The following CRISP1 variants were observed in gnomAD, a reference collection of about 807,000 sequenced individuals.
CRISP1 encodes the protein cysteine rich secretory protein 1, also known as cysteine-rich secretory protein 1.
A neutral mutation model predicts 33.1 loss-of-function variants in CRISP1; 44 were observed. The ratio of observed to expected loss-of-function variants is 1.33; its 90% CI spans 1.05 to 1.71. The LOEUF is 1.71. CRISP1 is among the 40% of genes most tolerant of loss of function. The probability of loss-of-function intolerance (pLI) is 0.00; values close to 1 mark genes in which losing one functional copy is unlikely to be tolerated. For missense variants in CRISP1, 390 were observed against 301.2 expected, an observed-to-expected ratio of 1.29 and a Z score of -2.18; for synonymous variants, 103 against 98.7, an observed-to-expected ratio of 1.04 and a Z score of -0.26.
chr6:49,844,872 C>A (rs373564578), intron 5 of CRISP1, among the ~76,000 whole-genome samples: 4 of 152,004 alleles, frequency 2.6e-5, no homozygotes, highest in African/African-American at 7.2e-5. Context: ...TCACTCCTGG[C>A]GAGAAATTTT....
At chr6:49,860,562 T>C (rs1771620114) in intron 1 of CRISP1, among the ~76,000 whole-genome samples, 1 of 152,074 alleles carries the variant, frequency 6.6e-6, no homozygotes, top group Non-Finnish European at 1.5e-5. Context: ...AAACAATTTT[T>C]TAAACAAATA....
intron 1 of CRISP1, among the ~76,000 whole-genome samples, chr6:49,875,686 G>T (rs182051066): frequency 6.6e-6 from 1 of 152,066 alleles, no homozygotes; most frequent in Non-Finnish European, 1.5e-5. Context: ...GCATGGTACT[G>T]GTACAAGAAC....
At chr6:49,835,532 G>T (rs970905689) in intron 7 of CRISP1, 89 bp from the exon 8 acceptor site, 3 of 1,307,784 alleles carry the variant, frequency 2.3e-6, no homozygotes, top group Admixed American at 2.4e-5. Flanking sequence ...GACAAAAAGA[G>T]AAATTTTTAT....
intron 1 of CRISP1, among the ~76,000 whole-genome samples, chr6:49,873,561 C>T (rs1283078223): frequency 1.3e-5 from 2 of 151,984 alleles, no homozygotes; most frequent in Non-Finnish European, 2.9e-5. Context: ...ACTATGCACA[C>T]TTGAACTTAA....
At chr6:49,838,662 G>T (rs1770884388) in intron 6 of CRISP1, 137 bp from the exon 7 acceptor site, 1 of 607,800 alleles carries the variant, frequency 1.6e-6, no homozygotes, top group Non-Finnish European at 2.9e-6. Flanking sequence ...TTTAAGATGG[G>T]TGTGAGATTT....
At chr6:49,866,563 A>G (rs1187948836), upstream of CRISP1, 1 of 152,162 alleles carries the variant, frequency 6.6e-6, no homozygotes, top group Non-Finnish European at 1.5e-5. Flanking sequence ...GTAAATGCCT[A>G]TAACAGATCA....
chr6:49,867,513 T>C (rs1771826567), upstream of CRISP1, among the ~76,000 whole-genome samples: 1 of 152,044 alleles, frequency 6.6e-6, no homozygotes. Flanking sequence ...AAAAATAAGG[T>C]AAGAATTGTG....
At chr6:49,864,812 C>G (rs559528995) in intron 1 of CRISP1, among the ~76,000 whole-genome samples, 1 of 152,190 alleles carries the variant, frequency 6.6e-6, no homozygotes, top group South Asian at 2.1e-4. Flanking sequence ...GGGCAATTGT[C>G]AAATGTTTTA....
intron 5 of CRISP1, among the ~76,000 whole-genome samples, chr6:49,845,803 AG>A (rs1474661261): frequency 1.3e-5 from 2 of 152,186 alleles, no homozygotes; most frequent in Non-Finnish European, 2.9e-5. Flanking sequence ...CTTAAAAAAA[AG>A]AATACAATTC....
chr6:49,850,191 T>C (rs1370921492), intron 3 of CRISP1, among the ~76,000 whole-genome samples: 1 of 151,868 alleles, frequency 6.6e-6, no homozygotes, highest in Non-Finnish European at 1.5e-5. Flanking sequence ...GGCACATGTA[T>C]ACATATGTAA....
rs777281055 is a variant in CRISP1 at position 49,848,191 on chromosome 6, A to C, written c.286+18T>G. 7.0e-7 allele frequency: 1 copy of C among 1,424,124 alleles called. No homozygotes were observed. The highest frequency in any genetic ancestry group is 1.4e-5 in the African/African-American group (1 of 69,114). 88.2% of individuals were successfully genotyped at this position (1,424,124 alleles called of 1,614,324 possible). On this transcript the variant is annotated intron_variant, in intron 4 of 7. Transcript: ENST00000335847. ...TTTTTTTTTAGTCCAAAGGCGGGTC[A>C]TATAGATACACACTTACTTGGAAGT...
chr6:49,842,274 C>A (rs1214166600), intron 5 of CRISP1, among the ~76,000 whole-genome samples: 1 of 151,942 alleles, frequency 6.6e-6, no homozygotes, highest in Non-Finnish European at 1.5e-5. Flanking sequence ...CGTAAGAGAC[C>A]CTGTTGAACT....
intron 1 of CRISP1, among the ~76,000 whole-genome samples, chr6:49,858,187 G>T (rs948602403): frequency 1.9e-4 from 29 of 152,122 alleles, no homozygotes; most frequent in Non-Finnish European, 3.4e-4. Flanking sequence ...TGATCACTTT[G>T]CTAAGCATGG....
intron 2 of CRISP1, among the ~76,000 whole-genome samples, chr6:49,855,798 G>A (rs1771478610): frequency 1.3e-5 from 2 of 152,108 alleles, no homozygotes; most frequent in African/African-American, 4.8e-5. Flanking sequence ...ATTCAGGTCT[G>A]GTGGTTAGTC....
intron 2 of CRISP1, 97 bp downstream of exon 2, chr6:49,857,238 G>A: frequency 9.1e-7 from 1 of 1,101,828 alleles, no homozygotes; most frequent in Non-Finnish European, 1.3e-6. Context: ...GGGTGTAGTG[G>A]CCTCACAACA....
At chr6:49,867,123 G>A (rs544771990), upstream of CRISP1, among the ~76,000 whole-genome samples, 12 of 152,228 alleles carry the variant, frequency 7.9e-5, no homozygotes, top group Admixed American at 3.9e-4. Flanking sequence ...GAGAGGTCTA[G>A]AAATACTGAA....
chr6:49,875,011 G>T (rs1206574678), intron 1 of CRISP1, among the ~76,000 whole-genome samples: 3 of 151,994 alleles, frequency 2.0e-5, no homozygotes, highest in Non-Finnish European at 2.9e-5. Flanking sequence ...AGACGAGGAT[G>T]CCCTTTCACA....
chr6:49,865,313 T>C lies in CRISP1; in HGVS notation c.-3+1116A>G, dbSNP rs956461333. Among the ~76,000 whole-genome samples the C allele has an allele frequency of 2.6e-5, 4 of 152,198 alleles. 1 individual carries two copies. The highest frequency in any genetic ancestry group is 4.1e-4 in the South Asian group (2 of 4,834). The stretch of plus-strand genomic sequence containing the variant: ...AATAGAGAAAAGATAAGGATTCTGA[T>C]AACTACCTTCCACTAAAAACAAAAA... On this transcript the variant is annotated intron_variant, in intron 1 of 7. Transcript: ENST00000335847.
chr6:49,850,696 T>A (rs62404913), intron 3 of CRISP1, among the ~76,000 whole-genome samples: 2 of 152,124 alleles, frequency 1.3e-5, no homozygotes, highest in African/African-American at 4.8e-5. Flanking sequence ...ATATTTCATA[T>A]CTTTTTGTGT....
Sources: allele counts gnomAD v4.1 joint callset (sites outside exome capture counted in the v4.1 genomes callset), GRCh38; gene constraint gnomAD v4.1.1; transcripts MANE v1.5; gene names NCBI Gene and HGNC (gene_info 2026-07-23, HGNC 2026-07-21).